MARCHF1: variants seen among roughly 807,000 people sequenced by gnomAD.
The protein encoded by MARCHF1 is E3 ubiquitin-protein ligase MARCHF1.
In MARCHF1, 40 loss-of-function variants were observed where a neutral mutation model predicts 54.2. The ratio of observed to expected loss-of-function variants is 0.74; its 90% CI spans 0.57 to 0.96. The LOEUF (loss-of-function observed/expected upper bound fraction) is 0.96. Among genes scored for constraint, MARCHF1 ranks in the 40% least tolerant of loss-of-function variants. The pLI, the probability that MARCHF1 is intolerant of heterozygous loss-of-function variation, is 0.00. For synonymous variants in MARCHF1, 236 were observed against 236.3 expected (o/e 1.00, Z 0.01); for missense variants, 586 against 656.5 (o/e 0.89, Z 1.17).
At chr4:163,553,200 C>A (rs1739173498) in intron 8 of MARCHF1, among the ~76,000 whole-genome samples, 1 of 152,120 alleles carries the variant, frequency 6.6e-6, no homozygotes, top group Admixed American at 6.5e-5. Context: ...AAAGTCTAAG[C>A]AACTTAATAC....
chr4:164,302,934 ACT>A (rs1734601746), intron 1 of MARCHF1, among the ~76,000 whole-genome samples: 1 of 152,052 alleles, frequency 6.6e-6, no homozygotes, highest in Non-Finnish European at 1.5e-5. Flanking sequence ...GAAAGAATAA[ACT>A]CTATCTGCAG....
intron 1 of MARCHF1, among the ~76,000 whole-genome samples, chr4:164,370,390 C>G (rs544657654): frequency 6.6e-6 from 1 of 152,242 alleles, no homozygotes; most frequent in East Asian, 1.9e-4. Context: ...CGGTGGCCAT[C>G]ATTGTATGCA....
At chr4:163,832,641 A>T (rs1222757263) in intron 4 of MARCHF1, among the ~76,000 whole-genome samples, 1 of 151,318 alleles carries the variant, frequency 6.6e-6, no homozygotes, top group Non-Finnish European at 1.5e-5. Context: ...CACAACGTGC[A>T]GGTTAGTTAC....
intron 7 of MARCHF1, among the ~76,000 whole-genome samples, chr4:163,592,433 C>T (rs912621999): frequency 1.3e-5 from 2 of 152,110 alleles, no homozygotes; most frequent in Non-Finnish European, 2.9e-5. Context: ...TGATCAACAA[C>T]AAAGACAATG....
chr4:163,543,653 A>AT (rs1738797322), intron 9 of MARCHF1, among the ~76,000 whole-genome samples: 1 of 152,082 alleles, frequency 6.6e-6, no homozygotes, highest in African/African-American at 2.4e-5. Flanking sequence ...TTTTGGAGAT[A>AT]TTTTTGTGGC....
chr4:163,832,582 A>ATATTATTAT (rs5863633), intron 4 of MARCHF1, among the ~76,000 whole-genome samples: 45,784 of 147,418 alleles, frequency 0.31, 8,767 homozygotes, highest in Middle Eastern at 0.45. Flanking sequence ...TGGATCCAAA[A>ATATTATTAT]TATTATTATT....
intron 4 of MARCHF1, among the ~76,000 whole-genome samples, chr4:163,784,371 T>C (rs766090496): frequency 6.6e-5 from 10 of 152,130 alleles, no homozygotes; most frequent in Non-Finnish European, 1.0e-4. Context: ...AGCTAGTCTA[T>C]AGAGGAACAC....
chr4:163,779,708 G>A (rs1747408579), intron 4 of MARCHF1, among the ~76,000 whole-genome samples: 2 of 152,020 alleles, frequency 1.3e-5, no homozygotes, highest in Admixed American at 1.3e-4. Context: ...ATGAAACAGG[G>A]AACAAAGTGG....
chr4:163,835,369 A>T (rs1270053122), intron 4 of MARCHF1, among the ~76,000 whole-genome samples: 1 of 152,216 alleles, frequency 6.6e-6, no homozygotes. Flanking sequence ...AGTTTAGCCT[A>T]AAGCTGTCTC....
intron 1 of MARCHF1, among the ~76,000 whole-genome samples, chr4:164,141,356 A>C (rs1244340481): frequency 1.3e-5 from 2 of 152,214 alleles, no homozygotes; most frequent in East Asian, 1.9e-4. Context: ...TCTAAAAACC[A>C]GCCCCAGCAA....
At chr4:163,953,819 T>G (rs1264611521) in intron 3 of MARCHF1, among the ~76,000 whole-genome samples, 1 of 152,220 alleles carries the variant, frequency 6.6e-6, no homozygotes, top group African/African-American at 2.4e-5. Flanking sequence ...AATACATATA[T>G]GCTCATTTCT....
intron 4 of MARCHF1, among the ~76,000 whole-genome samples, chr4:163,790,127 A>G (rs1414556966): frequency 6.6e-6 from 1 of 152,110 alleles, no homozygotes; most frequent in East Asian, 1.9e-4. Flanking sequence ...TAACCAAGGG[A>G]CGGTTGCAAG....
intron 4 of MARCHF1, among the ~76,000 whole-genome samples, chr4:163,817,416 T>C (rs1748569658): frequency 6.6e-6 from 1 of 150,500 alleles, no homozygotes; most frequent in African/African-American, 2.4e-5. Context: ...CATATATATG[T>C]ATATATAGAC....
intron 1 of MARCHF1, among the ~76,000 whole-genome samples, chr4:164,244,419 G>C (rs1384767860): frequency 8.4e-4 from 128 of 151,520 alleles, no homozygotes; most frequent in African/African-American, 2.7e-3. Context: ...CGAGAACAAA[G>C]ACACAACATA....
intron 2 of MARCHF1, among the ~76,000 whole-genome samples, chr4:164,094,023 T>C (rs1755358557): frequency 6.6e-6 from 1 of 152,116 alleles, no homozygotes; most frequent in Non-Finnish European, 1.5e-5. Context: ...TTCACCTCTC[T>C]AGGTTTCAGT....
At chr4:164,262,165 T>C (rs1396679222) in intron 1 of MARCHF1, among the ~76,000 whole-genome samples, 1 of 149,966 alleles carries the variant, frequency 6.7e-6, no homozygotes, top group African/African-American at 2.5e-5. Context: ...TTATTTATCA[T>C]GTTCACCTCC....
intron 1 of MARCHF1, among the ~76,000 whole-genome samples, chr4:164,350,431 T>C (rs1730250863): frequency 6.6e-6 from 1 of 152,170 alleles, no homozygotes; most frequent in South Asian, 2.1e-4. Flanking sequence ...AGTTCTAGTG[T>C]TCTATGACAC....
chr4:163,628,156 A>G (rs1254692912), intron 5 of MARCHF1, among the ~76,000 whole-genome samples: 1 of 152,198 alleles, frequency 6.6e-6, no homozygotes, highest in Non-Finnish European at 1.5e-5. Flanking sequence ...CACATTAAAT[A>G]AAAACATTGT....
At chr4:163,632,789 G>C (rs1245342599) in intron 5 of MARCHF1, among the ~76,000 whole-genome samples, 3 of 152,220 alleles carry the variant, frequency 2.0e-5, no homozygotes, top group Non-Finnish European at 2.9e-5. Flanking sequence ...CAACCTCTGG[G>C]GGCAGGTCAC....
Sources: gnomAD v4.1 joint callset for allele counts (sites outside exome capture counted in the v4.1 genomes callset) on GRCh38, gnomAD v4.1.1 for gene constraint, MANE v1.5 for transcripts, NCBI Gene and HGNC (gene_info 2026-07-23, HGNC 2026-07-21) for gene names.